The following PDLIM3 variants were observed in gnomAD, a reference collection of about 807,000 sequenced individuals.
The protein encoded by PDLIM3 is PDZ and LIM domain 3, also known as PDZ and LIM domain protein 3.
In PDLIM3, 36 loss-of-function variants were observed where a neutral mutation model predicts 37.3. That is an observed-to-expected ratio of 0.97 (90% CI 0.74 to 1.28). The LOEUF (loss-of-function observed/expected upper bound fraction) is 1.28, where lower values mean the gene tolerates loss of function less well. Ranked by LOEUF, PDLIM3 falls within the 50% of genes most tolerant of loss-of-function variation. PDLIM3 has a pLI of 0.00. For synonymous variants in PDLIM3, 174 were observed against 182.4 expected (o/e 0.95, Z 0.37); for missense variants, 454 against 485.0 (o/e 0.94, Z 0.60).
chr4:185,534,051 T>C (rs1435491675), intron 1 of PDLIM3, among the ~76,000 whole-genome samples: 2 of 152,214 alleles, frequency 1.3e-5, no homozygotes, highest in African/African-American at 4.8e-5. Context: ...TTACTTTACT[T>C]AGGAACGTTT....
At chr4:185,525,353 G>C (rs2095731359) in intron 1 of PDLIM3, among the ~76,000 whole-genome samples, 182 bp from the exon 2 acceptor site, 1 of 152,170 alleles carries the variant, frequency 6.6e-6, no homozygotes, top group African/African-American at 2.4e-5. Context: ...TCATCCTGCT[G>C]AATGATTTTG....
intron 3 of PDLIM3, among the ~76,000 whole-genome samples, chr4:185,518,658 C>T (rs1305182091): frequency 6.6e-6 from 1 of 152,088 alleles, no homozygotes; most frequent in Non-Finnish European, 1.5e-5. Flanking sequence ...GTAAAGTCAC[C>T]CTCATCATCC....
chr4:185,514,859 C>T lies in PDLIM3; in HGVS notation c.331-522G>A, dbSNP rs1212780550. On this transcript the variant is annotated intron_variant, in intron 3 of 7. Transcript: ENST00000284767. This position sits in a 1 kb window ranked among gnomAD's most constrained non-coding sequence, Gnocchi z 4.0. ...AGCTGCAACAAAAGGCTGGGCCCTT[C>T]TGTTGTGCGCGGTACCAATGGGTTT... The T allele has an allele frequency of 6.4e-7, 1 of 1,551,626 alleles. No individual in the cohort carries two copies. The highest frequency in any genetic ancestry group is 8.7e-7 in the Non-Finnish European group (1 of 1,146,960).
At position 185,501,240 on chromosome 4, in the gene PDLIM3, G is replaced by A. The variant is rs1328095713; in HGVS notation, c.*1054C>T. ...GAGTTTTGGAGGTGGTAGTGGAGGT[G>A]TTATTATTGCCTGGCCTCAACTATG... On this transcript the variant is annotated 3_prime_UTR_variant, in exon 8 of 8. Coordinates refer to ENST00000284767, the MANE Select transcript of PDLIM3 (RefSeq NM_014476.6). The A allele has an allele frequency of 6.6e-6, 1 of 152,334 alleles. No homozygotes were observed. Among genetic ancestry groups the A allele is most frequent in the Admixed American group, 6.5e-5 (1 of 15,280 alleles). 9.4% of individuals were successfully genotyped at this position (152,334 alleles called of 1,614,324 possible). A position where few individuals can be genotyped will look rare whatever the true frequency, so the allele number is the denominator to read the frequency against.
At position 185,523,375 on chromosome 4, in the gene PDLIM3, T is replaced by G. The variant is rs199476400; in HGVS notation, c.317A>C (p.Glu106Ala). 60 of 1,608,862 alleles carry G rather than the reference T, an allele frequency of 3.7e-5. No individual in the cohort carries two copies. In the East Asian group the frequency reaches 6.2e-4, roughly 17 times the overall value. Residue 106 changes from glutamate to alanine, a missense_variant, in exon 3 of 8, where the codon GAA becomes GCA. By Grantham distance (107) the Glu-to-Ala change is moderately radical (BLOSUM62 -1). Coordinates refer to ENST00000284767, the MANE Select transcript of PDLIM3 (RefSeq NM_014476.6). ...TAAAACGCATACCTGTGGTTCTGAT[T>G]CTAAGTTGATTTTGAAAGGATGGGC... ...GKAHPFKINLESEPQDGNYFE... is the reference protein window; with the variant it reads ...GKAHPFKINLASEPQDGNYFE...
chr4:185,524,896 T>C, intron 2 of PDLIM3, 124 bp downstream of exon 2: 1 of 901,396 alleles, frequency 1.1e-6, no homozygotes, highest in Non-Finnish European at 1.8e-6. Context: ...AGCTAATATA[T>C]AAAAAGTCAG....
At chr4:185,525,572 C>A (rs2095732355) in intron 1 of PDLIM3, among the ~76,000 whole-genome samples, 2 of 152,178 alleles carry the variant, frequency 1.3e-5, no homozygotes, top group South Asian at 4.1e-4. Context: ...CCAAATATAG[C>A]AATCCTTACT....
In PDLIM3 at chr4:185,523,367, GTTCTGA is replaced by G. The variant is rs1271496113; in HGVS notation, c.319_324del (p.Ser107_Glu108del). ...ATTTGCTCTAAAACGCATACCTGTG[GTTCTGA>G]TTCTAAGTTGATTTTGAAAGGATGG... is the stretch of plus-strand genomic sequence containing the variant. On this transcript the variant is annotated inframe_deletion, in exon 3 of 8. Transcript: ENST00000284767. The G allele has an allele frequency of 6.2e-7, 1 of 1,604,366 alleles. No individual in the cohort carries two copies. The highest frequency in any genetic ancestry group is 8.5e-7 in the Non-Finnish European group (1 of 1,171,348).
Position 185,504,623 on chromosome 4 carries a change from C to G in PDLIM3, c.794-37G>C. The G allele has an allele frequency of 6.7e-7, 1 of 1,485,388 alleles. No individual in the cohort carries two copies. The allele number at this position is 1,485,388 out of a possible 1,614,324, so 92.0% of individuals were successfully genotyped here. A position where few individuals can be genotyped will look rare whatever the true frequency, so the allele number is the denominator to read the frequency against. ...AGCGTTTCCATTTATGGCTAGGGAA[C>G]AGCTGGCCGCAGCCTGTGCTTGGCT... is the stretch of plus-strand genomic sequence containing the variant. On this transcript the variant is annotated intron_variant, in intron 6 of 7. Transcript: ENST00000284767. This position sits in a 1 kb window ranked among gnomAD's most constrained non-coding sequence, Gnocchi z 4.7.
At chr4:185,528,399 A>G (rs150457111) in intron 1 of PDLIM3, among the ~76,000 whole-genome samples, 1 of 152,366 alleles carries the variant, frequency 6.6e-6, no homozygotes, top group East Asian at 1.9e-4. Context: ...TTGGATATCT[A>G]AGTTGAATAT....
rs74721183 is a variant in PDLIM3 at position 185,506,859 on chromosome 4, G to A, written c.663-207C>T. ...TGGAAATGTCATTGAACAACAAATC[G>A]GGGAGTCACACCCACACTCCTCCAC... On this transcript the variant is annotated intron_variant, in intron 5 of 7. Transcript: ENST00000284767. The A allele has an allele frequency of 1.3e-3, 691 of 550,850 alleles. 3 individuals are homozygous for A. Among genetic ancestry groups the A allele is most frequent in the African/African-American group, 0.012 (639 of 53,204 alleles). 34.1% of individuals were successfully genotyped at this position (550,850 alleles called of 1,614,324 possible). A position where few individuals can be genotyped will look rare whatever the true frequency, so the allele number is the denominator to read the frequency against.
chr4:185,513,173 A>AG lies in PDLIM3; in HGVS notation c.398+1096dup, dbSNP rs200205633. ...CCTGCAGACACTGAGCTCACGTTCT[A>AG]GGGGGGGGAAGATGTGTTTGCTCAT... On this transcript the variant is annotated intron_variant, in intron 4 of 7. Coordinates refer to ENST00000284767, the MANE Select transcript of PDLIM3 (RefSeq NM_014476.6). The AG allele has an allele frequency of 6.3e-4, 605 of 964,040 alleles. 6 individuals are homozygous for AG. In the East Asian group the frequency reaches 0.02, roughly 33 times the overall value. The allele number at this position is 964,040 out of a possible 1,614,324, so 59.7% of individuals were successfully genotyped here.
Position 185,531,324 on chromosome 4 carries a change from A to C in PDLIM3, c.93+4018T>G, listed in dbSNP as rs947840148. On this transcript the variant is annotated intron_variant, in intron 1 of 7. Coordinates refer to ENST00000284767, the MANE Select transcript of PDLIM3 (RefSeq NM_014476.6). ...ACTCCCTCCCCTAAACTGAACATCC[A>C]AAACTGAAATTTTATATTGCACAAG... Among the ~76,000 whole-genome samples, 7 of 152,340 alleles carry C rather than the reference A, an allele frequency of 4.6e-5. No individual in the cohort carries two copies. The East Asian group carries it at 1.3e-3, about 29-fold the overall frequency.
chr4:185,535,266 C>G, intron 1 of PDLIM3, 76 bp downstream of exon 1: 2 of 1,339,164 alleles, frequency 1.5e-6, no homozygotes, highest in Non-Finnish European at 2.1e-6. Context: ...CCCTCGGCCC[C>G]GGGGCATCCA....
rs1486714697 is a variant in PDLIM3 at position 185,504,447 on chromosome 4, A to G, written c.905+28T>C. On this transcript the variant is annotated intron_variant, in intron 7 of 7. Coordinates refer to ENST00000284767, the MANE Select transcript of PDLIM3 (RefSeq NM_014476.6). This position sits in a 1 kb window ranked among gnomAD's most constrained non-coding sequence, Gnocchi z 4.7. ...ATGAACTGTCGCCAAGCTGTATCGT[A>G]AATTCCAGGGTTAAAAGTGAAACTT... 2 of 1,550,910 alleles carry G rather than the reference A, an allele frequency of 1.3e-6. No individual in the cohort carries two copies. The highest frequency in any genetic ancestry group is 2.2e-5 in the South Asian group (2 of 89,728).
intron 6 of PDLIM3, among the ~76,000 whole-genome samples, chr4:185,505,447 C>A (rs1038397826): frequency 1.3e-5 from 2 of 152,026 alleles, no homozygotes; most frequent in African/African-American, 4.8e-5. Context: ...GAGGTAAAAC[C>A]CCGTCTCTAC....
chr4:185,519,414 T>C (rs2095719437), intron 3 of PDLIM3, among the ~76,000 whole-genome samples: 3 of 152,142 alleles, frequency 2.0e-5, no homozygotes, highest in South Asian at 4.1e-4. Context: ...GCCTCCCCAG[T>C]AGCTGGGACC....
chr4:185,523,579 T>TG (rs10668081), intron 2 of PDLIM3, 133 bp from the exon 3 acceptor site: 4 of 629,390 alleles, frequency 6.4e-6, no homozygotes, highest in Admixed American at 2.8e-5. Context: ...TTTTTTTTTT[T>TG]GCTGATTATT....
rs924647091 is a variant in PDLIM3, at chr4:185,504,855, C to T, written c.794-269G>A. ...AGGGCATTATTATTTTTTATTGTAG[C>T]AAAATATACATAAAATTTACCATTT... On this transcript the variant is annotated intron_variant, in intron 6 of 7. Coordinates refer to ENST00000284767, the MANE Select transcript of PDLIM3 (RefSeq NM_014476.6). This position sits in a 1 kb window ranked among gnomAD's most constrained non-coding sequence, Gnocchi z 4.7. Among the ~76,000 whole-genome samples, 6 of 152,122 alleles carry T rather than the reference C, an allele frequency of 3.9e-5. No individual in the cohort carries two copies. The highest frequency in any genetic ancestry group is 9.7e-5 in the African/African-American group (4 of 41,414).
Sources: allele counts gnomAD v4.1 joint callset (sites outside exome capture counted in the v4.1 genomes callset), GRCh38; gene constraint gnomAD v4.1.1; non-coding constraint Gnocchi (gnomAD v3.1); transcripts MANE v1.5; gene names NCBI Gene and HGNC (gene_info 2026-07-23, HGNC 2026-07-21).